The following SETD4 variants were observed in gnomAD, a reference collection of about 807,000 sequenced individuals.
The protein encoded by SETD4 is SET domain-containing protein 4.
A neutral mutation model predicts 58.3 loss-of-function variants in SETD4; 46 were observed. The ratio of observed to expected loss-of-function variants is 0.79; its 90% CI spans 0.62 to 1.01. SETD4 has a LOEUF of 1.01. Ranked by LOEUF, SETD4 falls within the 50% of genes least tolerant of loss-of-function variation. SETD4 has a pLI of 0.00. For missense variants in SETD4, 490 were observed against 523.3 expected (o/e 0.94, Z 0.62); for synonymous variants, 190 against 202.6 (o/e 0.94, Z 0.53).
intron 2 of SETD4, 118 bp from the exon 3 acceptor site, chr21:36,057,322 G>A: frequency 1.2e-6 from 1 of 812,246 alleles, no homozygotes; most frequent in Non-Finnish European, 2.2e-6. Flanking sequence ...GTAAGAATTG[G>A]TGTATCTAAA....
intron 3 of SETD4, among the ~76,000 whole-genome samples, chr21:36,054,338 G>A (rs911825768): frequency 5.9e-5 from 9 of 152,194 alleles, no homozygotes; most frequent in Admixed American, 5.9e-4. Flanking sequence ...TTCTGCTCCT[G>A]GAACAGTCAG....
chr21:36,041,688 C>T lies in SETD4; in HGVS notation c.983+119G>A, dbSNP rs182140084. The T allele has an allele frequency of 2.0e-5, 13 of 664,936 alleles. No individual in the cohort carries two copies. The African/African-American group carries it at 2.2e-4, about 11-fold the overall frequency. The allele number at this position is 664,936 out of a possible 1,614,324, so 41.2% of individuals were successfully genotyped here. ...TACTGCACATAGTAAGTGCTCAATA[C>T]CTACCCGTCAGCTGATACAGGGTCA... On this transcript the variant is annotated intron_variant, in intron 8 of 11. Transcript: ENST00000332131.
chr21:36,060,252 C>T, intron 1 of SETD4, 95 bp downstream of exon 1: 1 of 476,376 alleles, frequency 2.1e-6, no homozygotes, highest in Non-Finnish European at 2.7e-6. Flanking sequence ...GTTCTTTTTA[C>T]GCTGATGAAT....
chr21:36,040,152 G>A (rs1470355102), intron 9 of SETD4, among the ~76,000 whole-genome samples: 1 of 152,202 alleles, frequency 6.6e-6, no homozygotes, highest in Non-Finnish European at 1.5e-5. Flanking sequence ...CTCCCCCATG[G>A]AAAAGTCCAG....
At position 36,036,122 on chromosome 21, in the gene SETD4, T is replaced by A. The variant is rs761795301; in HGVS notation, c.1318A>T (p.Thr440Ser). The change falls in exon 11 of 12, where the codon ACC (threonine) becomes TCC (serine). Residue 440 changes from threonine to serine, a missense_variant. Thr to Ser is a moderately conservative substitution (Grantham distance 58). Transcript: ENST00000332131. ...ETLHSLQTAFT is the reference protein window; with the variant it reads ...ETLHSLQTAFS ...CCAAATGCGCTTCGGTGAAATCAGG[T>A]AAAAGCTGTTTGCAAACTGTGCAGG... The A allele has an allele frequency of 1.5e-5, 25 of 1,614,024 alleles. No homozygotes were observed. In the South Asian group the frequency reaches 2.6e-4, roughly 17 times the overall value.
intron 10 of SETD4, 49 bp downstream of exon 10, chr21:36,038,101 C>A (rs756886347): frequency 6.3e-7 from 1 of 1,581,130 alleles, no homozygotes; most frequent in Non-Finnish European, 8.6e-7. Context: ...AAACAAGGAA[C>A]TGCTGAATCA....
chr21:36,044,444 T>C (rs1015201149), intron 6 of SETD4, among the ~76,000 whole-genome samples: 1 of 152,222 alleles, frequency 6.6e-6, no homozygotes, highest in Non-Finnish European at 1.5e-5. Flanking sequence ...GTGGTCTTCC[T>C]ACAGTAAACT....
At chr21:36,058,690 C>T in intron 2 of SETD4, 126 bp downstream of exon 2, 2 of 1,125,098 alleles carry the variant, frequency 1.8e-6, no homozygotes, top group South Asian at 3.4e-5. Flanking sequence ...TGCACTCCAG[C>T]CTGGGTGACA....
rs751021204 is a variant in SETD4, at chr21:36,057,416, G to A, written c.74-212C>T. 79 of 710,148 alleles carry A rather than the reference G, an allele frequency of 1.1e-4. No homozygotes were observed. In the Middle Eastern group the frequency reaches 3.7e-3, roughly 33 times the overall value. 44.0% of individuals were successfully genotyped at this position (710,148 alleles called of 1,614,324 possible). A position where few individuals can be genotyped will look rare whatever the true frequency, so the allele number is the denominator to read the frequency against. On this transcript the variant is annotated intron_variant, in intron 2 of 11. Transcript: ENST00000332131. ...TTCCCAGCATTTGGGAGGCCAAGGC[G>A]GGAGGACTGCTTGAGGCCAGGAGTT...
chr21:36,055,050 TAA>T (rs1378467757), intron 3 of SETD4, among the ~76,000 whole-genome samples: 1 of 152,252 alleles, frequency 6.6e-6, no homozygotes, highest in Admixed American at 6.5e-5. Context: ...GTTCTAGTGT[TAA>T]CTTATTTCAT....
chr21:36,050,031 G>A (rs138410304), intron 4 of SETD4, among the ~76,000 whole-genome samples: 48 of 152,266 alleles, frequency 3.2e-4, no homozygotes, highest in African/African-American at 1.1e-3. Flanking sequence ...ATGAGCTTCC[G>A]GGTTTATGGA....
chr21:36,038,031 ATTTAT>A, intron 10 of SETD4, 114 bp downstream of exon 10: 1 of 1,152,358 alleles, frequency 8.7e-7, no homozygotes, highest in Middle Eastern at 2.7e-4. Context: ...ATCAACATTT[ATTTAT>A]TTAAGGCACT....
intron 4 of SETD4, chr21:36,050,942 T>C: frequency 6.2e-7 from 1 of 1,610,062 alleles, no homozygotes; most frequent in South Asian, 1.1e-5. Flanking sequence ...GTTCATTGAG[T>C]GAACAAGGGA....
chr21:36,054,538 T>A (rs2064879664), intron 3 of SETD4, among the ~76,000 whole-genome samples: 1 of 152,256 alleles, frequency 6.6e-6, no homozygotes, highest in Admixed American at 6.5e-5. Flanking sequence ...GGTGGCTCAC[T>A]GCCTCAAGTC....
intron 4 of SETD4, chr21:36,050,457 C>T (rs755076774): frequency 6.2e-6 from 10 of 1,613,970 alleles, no homozygotes; most frequent in Non-Finnish European, 8.5e-6. Context: ...AGTACCAACC[C>T]CTTGGGTGCA....
chr21:36,049,159 A>T (rs2064511597), intron 4 of SETD4, among the ~76,000 whole-genome samples: 1 of 152,198 alleles, frequency 6.6e-6, no homozygotes, highest in African/African-American at 2.4e-5. Flanking sequence ...TGGAAAGAAA[A>T]ATTAGATGTA....
chr21:36,039,610 G>A (rs1009791450), intron 9 of SETD4, among the ~76,000 whole-genome samples: 1 of 152,232 alleles, frequency 6.6e-6, no homozygotes, highest in Non-Finnish European at 1.5e-5. Context: ...GAAACCGCAT[G>A]TCCCAACACT....
chr21:36,050,963 T>C, intron 4 of SETD4: 1 of 1,608,512 alleles, frequency 6.2e-7, no homozygotes, highest in Non-Finnish European at 8.5e-7. Context: ...AGCAGCTAGC[T>C]ATCCAGGTGT....
At position 36,060,122 on chromosome 21, in the gene SETD4, C is replaced by T. The variant is rs957352100; in HGVS notation, c.-37+225G>A. Reference sequence around the variant, plus strand: ...AGCATCGGACCTCGGGCCTCAGGCTCCTCAGCTTTACGCAGCGCGCCGGAG... The same window carrying T: ...AGCATCGGACCTCGGGCCTCAGGCTTCTCAGCTTTACGCAGCGCGCCGGAG... On this transcript the variant is annotated intron_variant, in intron 1 of 11. Transcript: ENST00000332131. 5 of 985,644 alleles carry T rather than the reference C, an allele frequency of 5.1e-6. No individual in the cohort carries two copies. In the South Asian group the frequency reaches 1.4e-4, roughly 28 times the overall value. 61.1% of individuals were successfully genotyped at this position (985,644 alleles called of 1,614,324 possible). A position where few individuals can be genotyped will look rare whatever the true frequency, so the allele number is the denominator to read the frequency against.
Sources: gnomAD v4.1 joint callset for allele counts (sites outside exome capture counted in the v4.1 genomes callset) on GRCh38, gnomAD v4.1.1 for gene constraint, MANE v1.5 for transcripts, NCBI Gene and HGNC (gene_info 2026-07-23, HGNC 2026-07-21) for gene names.